The following RASSF3 variants were observed in gnomAD, a reference collection of about 807,000 sequenced individuals.
RASSF3 encodes the protein ras association domain-containing protein 3.
A neutral mutation model predicts 19.9 loss-of-function variants in RASSF3; 19 were observed. The ratio of observed to expected loss-of-function variants is 0.96; its 90% CI spans 0.67 to 1.40. The LOEUF (loss-of-function observed/expected upper bound fraction) is 1.40, where lower values mean the gene tolerates loss of function less well. Ranked by LOEUF, RASSF3 falls within the 40% of genes most tolerant of loss-of-function variation. The pLI, the probability that RASSF3 is intolerant of heterozygous loss-of-function variation, is 0.00. For missense variants in RASSF3, 306 were observed against 289.8 expected, an observed-to-expected ratio of 1.06 and a Z score of -0.41; for synonymous variants, 110 against 104.2, an observed-to-expected ratio of 1.06 and a Z score of -0.34.
intron 2 of RASSF3, among the ~76,000 whole-genome samples, chr12:64,582,213 C>G (rs1418774802): frequency 6.6e-6 from 1 of 152,094 alleles, no homozygotes; most frequent in Non-Finnish European, 1.5e-5. Flanking sequence ...ATCCCCTAAC[C>G]AAAAGATTAG....
chr12:64,569,889 G>A (rs374965165), intron 2 of RASSF3, among the ~76,000 whole-genome samples: 5 of 152,210 alleles, frequency 3.3e-5, no homozygotes, highest in African/African-American at 4.8e-5. Flanking sequence ...TGCTTGAACC[G>A]GGGAGGCGGA....
At chr12:64,691,079 C>T (rs1448814217) in intron 3 of RASSF3, among the ~76,000 whole-genome samples, 2 of 152,034 alleles carry the variant, frequency 1.3e-5, no homozygotes, top group African/African-American at 4.8e-5. Context: ...CCAGGCTGGT[C>T]TCAAACTGCT....
intron 1 of RASSF3, among the ~76,000 whole-genome samples, chr12:64,520,360 A>C (rs942291153): frequency 6.6e-6 from 1 of 151,456 alleles, no homozygotes; most frequent in Non-Finnish European, 1.5e-5. Context: ...ATGGGGTTTT[A>C]TTATGTTGGC....
chr12:64,551,935 G>A (rs895136334), intron 2 of RASSF3, among the ~76,000 whole-genome samples: 1 of 152,082 alleles, frequency 6.6e-6, no homozygotes, highest in Non-Finnish European at 1.5e-5. Flanking sequence ...AATAGATTAC[G>A]AGATGTGCAC....
chr12:64,670,544 C>CTT (rs34897392), intron 1 of RASSF3, among the ~76,000 whole-genome samples: 204 of 131,288 alleles, frequency 1.6e-3, no homozygotes, highest in South Asian at 4.9e-3. Context: ...CTCTCTCTCT[C>CTT]TTTTTTTTTT....
chr12:64,550,688 G>T (rs1165341046), intron 2 of RASSF3, among the ~76,000 whole-genome samples: 1 of 151,672 alleles, frequency 6.6e-6, no homozygotes, highest in Non-Finnish European at 1.5e-5. Flanking sequence ...GCCAGGAGTG[G>T]TGGTGGGTGC....
intron 1 of RASSF3, chr12:64,628,581 C>G (rs931060745): frequency 2.6e-5 from 4 of 151,676 alleles, no homozygotes; most frequent in Non-Finnish European, 5.9e-5. Flanking sequence ...ACTGCAACCC[C>G]ACCTCCCAGG....
chr12:64,652,559 G>A (rs1423223904), intron 1 of RASSF3, among the ~76,000 whole-genome samples: 1 of 152,080 alleles, frequency 6.6e-6, no homozygotes, highest in Non-Finnish European at 1.5e-5. Flanking sequence ...CCATCCTGTA[G>A]AGGAAACAGA....
intron 3 of RASSF3, among the ~76,000 whole-genome samples, chr12:64,688,973 A>G (rs866079398): frequency 6.6e-6 from 1 of 152,160 alleles, no homozygotes; most frequent in Non-Finnish European, 1.5e-5. Flanking sequence ...AGCTTGTCTC[A>G]CTTGGTGTTA....
intron 2 of RASSF3, among the ~76,000 whole-genome samples, chr12:64,547,836 G>T (rs982258512): frequency 3.0e-4 from 45 of 152,084 alleles, no homozygotes; most frequent in African/African-American, 1.1e-3. Flanking sequence ...TAAAAACAAT[G>T]CATGATTATT....
intron 2 of RASSF3, among the ~76,000 whole-genome samples, chr12:64,596,424 A>T (rs1031407121): frequency 2.6e-5 from 4 of 152,186 alleles, no homozygotes; most frequent in African/African-American, 7.2e-5. Flanking sequence ...TTGTGAAGAA[A>T]AGAGGTTTAT....
chr12:64,653,782 T>C (rs1267077553), intron 1 of RASSF3, among the ~76,000 whole-genome samples: 1 of 152,058 alleles, frequency 6.6e-6, no homozygotes, highest in African/African-American at 2.4e-5. Flanking sequence ...TCTTGGGCCT[T>C]AGCAATTCTC....
At chr12:64,685,200 T>G (rs1053287560) in intron 2 of RASSF3, among the ~76,000 whole-genome samples, 10 of 150,652 alleles carry the variant, frequency 6.6e-5, no homozygotes, top group Non-Finnish European at 1.5e-4. Flanking sequence ...TTGCCTAACA[T>G]ACAGAAATGG....
intron 1 of RASSF3, among the ~76,000 whole-genome samples, chr12:64,508,066 C>G (rs568417669): frequency 1.5e-3 from 234 of 152,302 alleles, no homozygotes; most frequent in Non-Finnish European, 3.1e-3. Flanking sequence ...CATCTTGCAA[C>G]TGAATCAAAA....
Position 64,696,734 on chromosome 12 carries a change from C to T in RASSF3, c.*1822C>T, listed in dbSNP as rs1337013292. On this transcript the variant is annotated 3_prime_UTR_variant, in exon 5 of 5. Transcript: ENST00000542104. ...ACTGAGACAATCATATCTTCCTAAG[C>T]ATTTAAGGAAAGTTGAAAAAAATAG... is the stretch of plus-strand genomic sequence containing the variant. The T allele has an allele frequency of 3.9e-5, 6 of 151,942 alleles. No homozygotes were observed. Among genetic ancestry groups the T allele is most frequent in the Non-Finnish European group, 8.8e-5 (6 of 67,998 alleles). 9.4% of individuals were successfully genotyped at this position (151,942 alleles called of 1,614,324 possible).
intron 2 of RASSF3, among the ~76,000 whole-genome samples, chr12:64,575,224 A>G (rs1351640460): frequency 6.6e-6 from 1 of 152,204 alleles, no homozygotes; most frequent in African/African-American, 2.4e-5. Flanking sequence ...TGTTCTATAT[A>G]CCAGTAACAA....
At chr12:64,588,967 A>T (rs1869866617) in intron 2 of RASSF3, among the ~76,000 whole-genome samples, 1 of 152,146 alleles carries the variant, frequency 6.6e-6, no homozygotes. Context: ...ATAATTTTTC[A>T]CGTGACTTCT....
chr12:64,613,322 A>G (rs1430146177), intron 1 of RASSF3, among the ~76,000 whole-genome samples: 2 of 152,066 alleles, frequency 1.3e-5, no homozygotes, highest in Admixed American at 1.3e-4. Context: ...AGGTATTGCT[A>G]GAAGGATCTA....
rs1308549468 is a variant in RASSF3 at position 64,604,977 on chromosome 12, TA to T, written c.294+63273del. 6.1e-3 allele frequency among the ~76,000 whole-genome samples: 919 copies of T among 150,976 alleles called. 10 individuals are homozygous for T. The highest frequency in any genetic ancestry group is 0.021 in the African/African-American group (871 of 41,236). ...TTTGTCATATATTTTTTTTTTAATT[TA>T]TTTTATTTTATTTTTATTTTTTTTT... is the stretch of plus-strand genomic sequence containing the variant. On this transcript the variant is annotated intron_variant, in intron 2 of 5. Transcript: ENST00000637125.
Sources: allele counts gnomAD v4.1 joint callset (sites outside exome capture counted in the v4.1 genomes callset), GRCh38; gene constraint gnomAD v4.1.1; transcripts MANE v1.5; gene names NCBI Gene and HGNC (gene_info 2026-07-23, HGNC 2026-07-21).